NFAT5: variants seen among roughly 807,000 people sequenced by gnomAD.
NFAT5 encodes nuclear factor of activated T-cells 5.
In NFAT5, 31 loss-of-function variants were observed where a neutral mutation model predicts 166.5. The ratio of observed to expected loss-of-function variants is 0.19; its 90% CI spans 0.14 to 0.25. The LOEUF is 0.25. Among genes scored for constraint, NFAT5 ranks in the 10% least tolerant of loss-of-function variants. The pLI, the probability that NFAT5 is intolerant of heterozygous loss-of-function variation, is 1.00. For missense variants in NFAT5, 1,449 were observed against 1,821.8 expected (o/e 0.80, Z 3.72); for synonymous variants, 612 against 639.7 (o/e 0.96, Z 0.65).
chr16:69,607,608 G>A (rs1168554721), intron 2 of NFAT5, among the ~76,000 whole-genome samples: 5 of 152,116 alleles, frequency 3.3e-5, no homozygotes, highest in Non-Finnish European at 5.9e-5. Context: ...AGGTGTAGAA[G>A]GATTTCTTAC....
chr16:69,568,432 T>C lies in NFAT5; in HGVS notation c.74-63T>C, dbSNP rs989674900. 1.5e-5 allele frequency: 19 copies of C among 1,286,492 alleles called. No individual in the cohort carries two copies. In the African/African-American group the frequency reaches 1.9e-4, roughly 13 times the overall value. The allele number at this position is 1,286,492 out of a possible 1,614,324, so 79.7% of individuals were successfully genotyped here. A position where few individuals can be genotyped will look rare whatever the true frequency, so the allele number is the denominator to read the frequency against. Reference sequence around the variant, plus strand: ...TTGCAGTTATATAAGAGATGTATGCTATCCTTGGCATTTTTTTCCTCATTC... The same window carrying C: ...TTGCAGTTATATAAGAGATGTATGCCATCCTTGGCATTTTTTTCCTCATTC... On this transcript the variant is annotated intron_variant, in intron 1 of 14. Transcript: ENST00000349945.
chr16:69,587,944 CTTTTTTTTTTTT>C lies in NFAT5; in HGVS notation c.127+19411_127+19422del, dbSNP rs61460423. Among the ~76,000 whole-genome samples the C allele has an allele frequency of 5.3e-4, 36 of 68,250 alleles. No homozygotes were observed. In the East Asian group the frequency reaches 0.011, roughly 20 times the overall value. The allele number at this position is 68,250 out of a possible 152,430, so 44.8% of individuals were successfully genotyped here. Reference sequence around the variant, plus strand: ...GCACTTTGGTAATTTATAGTGCTTTCTTTTTTTTTTTTTTTTTTTTTTTTTTGGGACAGAGTC... The same window carrying C: ...GCACTTTGGTAATTTATAGTGCTTTCTTTTTTTTTTTTTTGGGACAGAGTC... On this transcript the variant is annotated intron_variant, in intron 2 of 14. Transcript: ENST00000349945.
intron 2 of NFAT5, among the ~76,000 whole-genome samples, chr16:69,598,197 AACATAACGAG>A (rs113706934): frequency 0.019 from 2,830 of 151,956 alleles, 96 homozygotes; most frequent in African/African-American, 0.061. Flanking sequence ...AGCCTTATGC[AACATAACGAG>A]ACCCTGTCTA....
chr16:69,645,017 G>T (rs1474366599), intron 3 of NFAT5, among the ~76,000 whole-genome samples: 1 of 152,036 alleles, frequency 6.6e-6, no homozygotes, highest in Non-Finnish European at 1.5e-5. Context: ...AATTAGTTTC[G>T]TTTTTGCCAA....
chr16:69,641,170 C>T (rs1318042262), intron 3 of NFAT5, among the ~76,000 whole-genome samples: 5 of 136,570 alleles, frequency 3.7e-5, no homozygotes, highest in African/African-American at 8.3e-5. Context: ...CCCAGCTACT[C>T]GGGAGGCTGA....
At chr16:69,597,594 CTTT>C (rs752838733) in intron 2 of NFAT5, among the ~76,000 whole-genome samples, 6 of 138,296 alleles carry the variant, frequency 4.3e-5, no homozygotes, top group South Asian at 2.3e-4. Flanking sequence ...CTAATGTTTT[CTTT>C]TTTTTTTTTT....
intron 3 of NFAT5, among the ~76,000 whole-genome samples, chr16:69,642,014 G>A (rs2118220): frequency 0.26 from 39,257 of 151,788 alleles, 5,522 homozygotes; most frequent in East Asian, 0.45. Flanking sequence ...TGGGATGATC[G>A]CTTGAGCCCA....
At chr16:69,644,786 G>A in intron 3 of NFAT5, 1 of 448,472 alleles carries the variant, frequency 2.2e-6, no homozygotes, top group Non-Finnish European at 4.5e-6. Flanking sequence ...CTTTCCATCT[G>A]TCATGAACAG....
chr16:69,692,112 C>A lies in NFAT5; in HGVS notation c.2287C>A (p.Pro763Thr), dbSNP rs372430182. ...TEASQQQQQS[P>T]LQEQAQTLQQ... ...GGCATCACAACAACAGCAGCAGTCA[C>A]CACTACAAGAACAAGCACAGACTTT... The change falls in exon 13 of 15, where the codon CCA (proline) becomes ACA (threonine). Residue 763 changes from proline to threonine, a missense_variant. By Grantham distance (38) the Pro-to-Thr change is conservative (BLOSUM62 -1). Around this residue, in one of 7 missense-constraint regions of NFAT5, gnomAD observed 891 missense variants for 993.0 expected, o/e 0.90. Transcript: ENST00000349945. The A allele has an allele frequency of 2.0e-5, 33 of 1,614,016 alleles. No individual in the cohort carries two copies. Among genetic ancestry groups the A allele is most frequent in the East Asian group, 1.8e-4 (8 of 44,890 alleles).
At chr16:69,656,580 G>A (rs1243289538) in intron 6 of NFAT5, among the ~76,000 whole-genome samples, 1 of 151,640 alleles carries the variant, frequency 6.6e-6, no homozygotes, top group Non-Finnish European at 1.5e-5. Flanking sequence ...AGCCTCCCAA[G>A]TAGCTGAGAT....
Position 69,614,290 on chromosome 16 carries a change from G to A in NFAT5, c.128-12113G>A, listed in dbSNP as rs998963839. Reference sequence around the variant, plus strand: ...TCAGCTCTGCCTCCCAAAATGCTGCGATTACAGGCACGAGCCACCACGCTC... The same window carrying A: ...TCAGCTCTGCCTCCCAAAATGCTGCAATTACAGGCACGAGCCACCACGCTC... On this transcript the variant is annotated intron_variant, in intron 2 of 14. Transcript: ENST00000349945. Among the ~76,000 whole-genome samples, 16 of 152,122 alleles carry A rather than the reference G, an allele frequency of 1.1e-4. 2 individuals carry two copies. The highest frequency in any genetic ancestry group is 3.9e-4 in the East Asian group (2 of 5,182).
intron 4 of NFAT5, among the ~76,000 whole-genome samples, chr16:69,651,108 G>T (rs1230085045): frequency 6.6e-6 from 1 of 152,214 alleles, no homozygotes; most frequent in Non-Finnish European, 1.5e-5. Flanking sequence ...TCCTTGTCCA[G>T]TTAGGATCTT....
chr16:69,669,868 C>T (rs2036554532), intron 7 of NFAT5, 109 bp from the exon 8 acceptor site: 9 of 894,734 alleles, frequency 1.0e-5, no homozygotes, highest in African/African-American at 1.8e-5. Context: ...ATATTTATTA[C>T]TCCTCCTTCA....
At chr16:69,686,259 A>G (rs1567607580) in intron 11 of NFAT5, among the ~76,000 whole-genome samples, 1 of 152,060 alleles carries the variant, frequency 6.6e-6, no homozygotes, top group Non-Finnish European at 1.5e-5. Flanking sequence ...AGGCTGAGGC[A>G]AGAGAATCAC....
At chr16:69,651,666 C>T (rs1435836064) in intron 4 of NFAT5, among the ~76,000 whole-genome samples, 1 of 137,952 alleles carries the variant, frequency 7.2e-6, no homozygotes, top group African/African-American at 2.8e-5. Context: ...TAAAAACATA[C>T]GTGAATTTTT....
intron 2 of NFAT5, among the ~76,000 whole-genome samples, chr16:69,617,005 G>A (rs7188149): frequency 0.043 from 6,434 of 148,914 alleles, 472 homozygotes; most frequent in African/African-American, 0.15. Flanking sequence ...AGTAAGTGGC[G>A]CGATCTCGGC....
At chr16:69,626,923 T>A (rs990734553) in intron 3 of NFAT5, among the ~76,000 whole-genome samples, 1 of 152,108 alleles carries the variant, frequency 6.6e-6, no homozygotes, top group African/African-American at 2.4e-5. Context: ...ATCTGAAAAA[T>A]GACTGAAGCA....
chr16:69,622,798 G>A lies in NFAT5; in HGVS notation c.128-3605G>A, dbSNP rs117140544. Among the ~76,000 whole-genome samples, 100 of 146,534 alleles carry A rather than the reference G, an allele frequency of 6.8e-4. 2 individuals carry two copies. The East Asian group carries it at 0.016, about 23-fold the overall frequency. ...GGGTAGATCTTTTTCTCTTTTTATC[G>A]AATCTGTTTCTTTCAAATTTCCTTT... On this transcript the variant is annotated intron_variant, in intron 2 of 14. Transcript: ENST00000349945.
intron 13 of NFAT5, 31 bp from the exon 14 acceptor site, chr16:69,695,104 CT>C: frequency 7.9e-6 from 12 of 1,513,490 alleles, no homozygotes; most frequent in Non-Finnish European, 1.0e-5. Flanking sequence ...CTGTAGTCAG[CT>C]TTTAAGCTTC....
Sources: allele counts gnomAD v4.1 joint callset (sites outside exome capture counted in the v4.1 genomes callset), GRCh38; gene constraint gnomAD v4.1.1; regional missense constraint gnomAD v4.1.1; transcripts MANE v1.5; gene names NCBI Gene and HGNC (gene_info 2026-07-23, HGNC 2026-07-21).